VPS53: variants seen among roughly 807,000 people sequenced by gnomAD.
VPS53 encodes vacuolar protein sorting-associated protein 53 homolog.
VPS53 carries 70 observed loss-of-function variants against 107.0 expected under a neutral mutation model. That is an observed-to-expected ratio of 0.65 (90% CI 0.54 to 0.80). VPS53 has a LOEUF of 0.80. Ranked by LOEUF, VPS53 falls within the 30% of genes least tolerant of loss-of-function variation. The probability of loss-of-function intolerance (pLI) is 0.00; values close to 1 mark genes in which losing one functional copy is unlikely to be tolerated. For missense variants in VPS53, 917 were observed against 1,049.4 expected (o/e 0.87, Z 1.74); for synonymous variants, 409 against 393.3 (o/e 1.04, Z -0.47).
At chr17:631,740 C>G (rs1339507907) in intron 7 of VPS53, 112 bp from the exon 8 acceptor site, 6 of 884,286 alleles carry the variant, frequency 6.8e-6, no homozygotes, top group Non-Finnish European at 1.1e-5. Flanking sequence ...AGGAAGGGTA[C>G]AGAGACGTCC....
At position 537,152 on chromosome 17, in the gene VPS53, C is replaced by T. The variant is rs1910147442; in HGVS notation, c.1891G>A (p.Val631Ile). 1.2e-6 allele frequency: 2 copies of T among 1,614,074 alleles called. No individual in the cohort carries two copies. The highest frequency in any genetic ancestry group is 1.7e-4 in the Middle Eastern group (1 of 6,060). ...SKMQWQNVEHVGDQSPYVTSV... is the reference protein window; with the variant it reads ...SKMQWQNVEHIGDQSPYVTSV... ...GTGACGTAGGGGCTCTGGTCACCAA[C>T]GTGCTCCACGTTCTGCCACTGCATC... The change falls in exon 18 of 22, where the codon GTT becomes ATT. Residue 631 changes from valine (V) to isoleucine (I), a missense_variant. Transcript: ENST00000437048.
intron 12 of VPS53, among the ~76,000 whole-genome samples, chr17:593,512 A>G (rs1967787206): frequency 6.6e-6 from 1 of 152,156 alleles, no homozygotes; most frequent in Admixed American, 6.5e-5. Flanking sequence ...ATGAACAGAC[A>G]CTTCTCAAAA....
intron 4 of VPS53, among the ~76,000 whole-genome samples, chr17:672,975 G>T (rs943582929): frequency 6.6e-6 from 1 of 151,980 alleles, no homozygotes; most frequent in Non-Finnish European, 1.5e-5. Context: ...AACCGGGCGT[G>T]GTGGCGGGCG....
chr17:562,384 G>C (rs1913095254), intron 14 of VPS53, 119 bp downstream of exon 14: 1 of 1,392,002 alleles, frequency 7.2e-7, no homozygotes. Flanking sequence ...AACTCAGGAA[G>C]CGTGCTTTCC....
intron 9 of VPS53, 45 bp from the exon 10 acceptor site, chr17:627,361 G>A (rs1969758835): frequency 6.3e-7 from 1 of 1,577,172 alleles, no homozygotes; most frequent in Non-Finnish European, 8.6e-7. Context: ...GTTAGAAGTA[G>A]AAATGGCAGT....
At chr17:651,302 A>G (rs1970939273) in intron 7 of VPS53, among the ~76,000 whole-genome samples, 1 of 152,254 alleles carries the variant, frequency 6.6e-6, no homozygotes, top group Non-Finnish European at 1.5e-5. Flanking sequence ...TTTCACCTGT[A>G]TACATATTTG....
chr17:553,265 G>C (rs1912024262), intron 16 of VPS53, 115 bp downstream of exon 16: 2 of 797,856 alleles, frequency 2.5e-6, no homozygotes, highest in Non-Finnish European at 4.3e-6. Context: ...ACATGCTGCT[G>C]TGTAGTGGAG....
At chr17:624,404 T>G (rs1319806464) in intron 10 of VPS53, among the ~76,000 whole-genome samples, 1 of 152,198 alleles carries the variant, frequency 6.6e-6, no homozygotes, top group Non-Finnish European at 1.5e-5. Flanking sequence ...CACGCTTAGC[T>G]GGTCCCTGCC....
At chr17:662,751 G>GACAAAGAAAGAAAGAAAGAA (rs756253727) in intron 4 of VPS53, among the ~76,000 whole-genome samples, 1 of 80,010 alleles carries the variant, frequency 1.2e-5, no homozygotes, top group Non-Finnish European at 3.2e-5. Context: ...GACAAAGAAA[G>GACAAAGAAAGAAAGAAAGAA]AGAAAGAAAG....
intron 15 of VPS53, among the ~76,000 whole-genome samples, chr17:554,681 G>C (rs1024506310): frequency 1.3e-5 from 2 of 152,162 alleles, no homozygotes; most frequent in Non-Finnish European, 2.9e-5. Context: ...GAGTAGCTGG[G>C]ACTACAGCTG....
At chr17:558,020 C>T (rs1481436707) in intron 15 of VPS53, among the ~76,000 whole-genome samples, 1 of 152,062 alleles carries the variant, frequency 6.6e-6, no homozygotes, top group Non-Finnish European at 1.5e-5. Flanking sequence ...CCACCACACT[C>T]AACTAACTTT....
At chr17:652,089 C>T (rs1970975401) in intron 7 of VPS53, among the ~76,000 whole-genome samples, 1 of 151,962 alleles carries the variant, frequency 6.6e-6, no homozygotes, top group African/African-American at 2.4e-5. Context: ...CTCCACTTCC[C>T]AGGTTCAAGT....
Position 553,403 on chromosome 17 carries a change from A to C in VPS53, c.1764T>G (p.Thr588=), listed in dbSNP as rs758609367. Residue 588 remains threonine (T), a synonymous_variant, in exon 16 of 22, where the codon ACT becomes ACG. Coordinates refer to ENST00000437048, the MANE Select transcript of VPS53 (RefSeq NM_001128159.3). The part of the protein sequence containing the change: ...DVSLIERINL[T]GEMDTFSTVI... ...ACGTGCTGAACGTGTCCATCTCTCC[A>C]GTCAGATTGATTCGTTCAATCAGAC... is the stretch of plus-strand genomic sequence containing the variant. 6 of 1,614,018 alleles carry C rather than the reference A, an allele frequency of 3.7e-6. No individual in the cohort carries two copies. The highest frequency in any genetic ancestry group is 5.1e-6 in the Non-Finnish European group (6 of 1,180,046).
At chr17:605,440 T>A (rs553954673) in intron 11 of VPS53, among the ~76,000 whole-genome samples, 10 of 146,180 alleles carry the variant, frequency 6.8e-5, no homozygotes, top group Non-Finnish European at 1.3e-4. Context: ...AAGCATATGG[T>A]GAGTCTGAGG....
At chr17:615,803 G>A (rs1969109701) in intron 11 of VPS53, among the ~76,000 whole-genome samples, 1 of 152,190 alleles carries the variant, frequency 6.6e-6, no homozygotes, top group Admixed American at 6.5e-5. Flanking sequence ...CATATCTCCA[G>A]GCAGGGTACC....
chr17:533,141 A>G, intron 18 of VPS53: 1 of 624,078 alleles, frequency 1.6e-6, no homozygotes, highest in Non-Finnish European at 2.7e-6. Flanking sequence ...CTAGACTCCC[A>G]GTGAACTCTA....
At chr17:622,014 C>G (rs1333296168) in intron 11 of VPS53, among the ~76,000 whole-genome samples, 1 of 152,078 alleles carries the variant, frequency 6.6e-6, no homozygotes, top group Non-Finnish European at 1.5e-5. Flanking sequence ...GAGTTTGAGA[C>G]CAGCCTGGTC....
At chr17:712,177 CTTTTTTT>C (rs35522489) in intron 1 of VPS53, among the ~76,000 whole-genome samples, 1 of 98,464 alleles carries the variant, frequency 1.0e-5, no homozygotes, top group Non-Finnish European at 1.9e-5. Context: ...TGACTTTCGC[CTTTTTTT>C]TTTTTTTTTT....
At chr17:553,909 C>T (rs942120879) in intron 15 of VPS53, among the ~76,000 whole-genome samples, 5 of 152,042 alleles carry the variant, frequency 3.3e-5, no homozygotes, top group Admixed American at 6.6e-5. Flanking sequence ...TTATTATCAT[C>T]GTCATTTTAC....
Sources: allele counts gnomAD v4.1 joint callset (sites outside exome capture counted in the v4.1 genomes callset), GRCh38; gene constraint gnomAD v4.1.1; transcripts MANE v1.5; gene names NCBI Gene and HGNC (gene_info 2026-07-23, HGNC 2026-07-21).